KIF17: variants seen among roughly 807,000 people sequenced by gnomAD.
KIF17 encodes the protein kinesin-like protein KIF17.
Under a neutral mutation model 96.8 loss-of-function variants are expected in KIF17, and 80 were observed. The ratio of observed to expected loss-of-function variants is 0.83; its 90% CI spans 0.69 to 1.00. The LOEUF (loss-of-function observed/expected upper bound fraction) is 1.00. Ranked by LOEUF, KIF17 falls within the 50% of genes least tolerant of loss-of-function variation. The probability of loss-of-function intolerance (pLI) is 0.00; values close to 1 mark genes in which losing one functional copy is unlikely to be tolerated. For missense variants in KIF17, 1,280 were observed against 1,372.9 expected, an observed-to-expected ratio of 0.93 and a Z score of 1.07; for synonymous variants, 567 against 587.5, an observed-to-expected ratio of 0.97 and a Z score of 0.51.
intron 3 of KIF17, among the ~76,000 whole-genome samples, chr1:20,710,963 G>A (rs1216864467): frequency 1.3e-5 from 2 of 152,086 alleles, no homozygotes; most frequent in Non-Finnish European, 2.9e-5. Context: ...AGGAGCTGAA[G>A]CTTGAGATGA....
At chr1:20,697,061 G>A (rs1344507524) in intron 6 of KIF17, among the ~76,000 whole-genome samples, 3 of 152,212 alleles carry the variant, frequency 2.0e-5, no homozygotes, top group Non-Finnish European at 4.4e-5. Flanking sequence ...CAGCGCCCGA[G>A]GCTCTTGGAT....
Position 20,664,326 on chromosome 1 carries a change from G to A in KIF17, c.*258C>T. On this transcript the variant is annotated 3_prime_UTR_variant, in exon 15 of 15. Transcript: ENST00000400463. The stretch of plus-strand genomic sequence containing the variant: ...GTGTGGGCTCTGTGGCAGGTGAGCA[G>A]ACGGAAACACTGATGTGGTATGAAC... The A allele has an allele frequency of 7.2e-7, 1 of 1,392,294 alleles. No homozygotes were observed. The highest frequency in any genetic ancestry group is 9.3e-7 in the Non-Finnish European group (1 of 1,071,908). The allele number at this position is 1,392,294 out of a possible 1,614,324, so 86.2% of individuals were successfully genotyped here.
At chr1:20,702,570 C>T (rs891164579) in intron 5 of KIF17, among the ~76,000 whole-genome samples, 1 of 152,138 alleles carries the variant, frequency 6.6e-6, no homozygotes, top group Non-Finnish European at 1.5e-5. Context: ...GCCCTCTCCA[C>T]CCCAGTCCTG....
Position 20,690,352 on chromosome 1 carries a change from G to GCCGCC in KIF17, c.1234-18_1234-17insGGCGG. ...TTCATACTCCTGGGGGGGTGGGAGG[G>GCCGCC]ACCAGAGGGCAGGCAGCATTTTATC... On this transcript the variant is annotated splice_polypyrimidine_tract_variant and intron_variant, in intron 6 of 14. Coordinates refer to ENST00000400463, the MANE Select transcript of KIF17 (RefSeq NM_001122819.3). 1.3e-5 allele frequency: 6 copies of GCCGCC among 451,138 alleles called. No individual in the cohort carries two copies. The highest frequency in any genetic ancestry group is 1.7e-5 in the Non-Finnish European group (4 of 235,128). The allele number at this position is 451,138 out of a possible 1,614,324, so 27.9% of individuals were successfully genotyped here. A position where few individuals can be genotyped will look rare whatever the true frequency, so the allele number is the denominator to read the frequency against.
chr1:20,685,415 C>A lies in KIF17; in HGVS notation c.2020-395G>T. 2.5e-6 allele frequency: 1 copy of A among 394,292 alleles called. No homozygotes were observed. Among genetic ancestry groups the A allele is most frequent in the South Asian group, 2.0e-5 (1 of 49,496 alleles). The allele number at this position is 394,292 out of a possible 1,614,324, so 24.4% of individuals were successfully genotyped here. The stretch of plus-strand genomic sequence containing the variant: ...TCCACGGCCTCCCCCGCCACCGTGG[C>A]CTCCTTTTCCATTGCTAAGAAAGTC... On this transcript the variant is annotated intron_variant, in intron 9 of 14. Coordinates refer to ENST00000400463, the MANE Select transcript of KIF17 (RefSeq NM_001122819.3). The surrounding 1 kb of genome is among the most constrained non-coding windows in gnomAD (Gnocchi z 4.1).
At chr1:20,701,984 G>A (rs1308874304) in intron 5 of KIF17, among the ~76,000 whole-genome samples, 2 of 152,198 alleles carry the variant, frequency 1.3e-5, no homozygotes. Context: ...TCCAGGGAGG[G>A]GCAAACACAG....
In KIF17 at chr1:20,712,989, TA is replaced by T. The variant is rs1232314749; in HGVS notation, c.480+464del. On this transcript the variant is annotated intron_variant, in intron 3 of 14. Coordinates refer to ENST00000400463, the MANE Select transcript of KIF17 (RefSeq NM_001122819.3). ...ATATATTATCTATATATAGATACTA[TA>T]TATAATATAGATATATATATTTTGA... is the stretch of plus-strand genomic sequence containing the variant. Among the ~76,000 whole-genome samples, 28 of 139,804 alleles carry T rather than the reference TA, an allele frequency of 2.0e-4. No homozygotes were observed. The South Asian group carries it at 5.1e-3, about 26-fold the overall frequency. 91.7% of individuals were successfully genotyped at this position (139,804 alleles called of 152,430 possible). A position where few individuals can be genotyped will look rare whatever the true frequency, so the allele number is the denominator to read the frequency against.
chr1:20,702,259 A>G (rs998281946), intron 5 of KIF17, among the ~76,000 whole-genome samples: 1 of 152,162 alleles, frequency 6.6e-6, no homozygotes, highest in Non-Finnish European at 1.5e-5. Context: ...CTCAGTGCTC[A>G]GCTATCCACC....
downstream of KIF17, among the ~76,000 whole-genome samples, chr1:20,663,353 G>A (rs545783324): frequency 6.6e-6 from 1 of 152,324 alleles, no homozygotes; most frequent in East Asian, 1.9e-4. Flanking sequence ...TCTCAAGAGT[G>A]TGTGCTCCTT....
At chr1:20,714,786 G>T (rs2054547072) in intron 2 of KIF17, among the ~76,000 whole-genome samples, 1 of 113,830 alleles carries the variant, frequency 8.8e-6, no homozygotes, top group Non-Finnish European at 1.7e-5. Context: ...GACAGAGCAA[G>T]ACTCCGTCTC....
intron 2 of KIF17, among the ~76,000 whole-genome samples, chr1:20,715,196 A>G (rs2054555484): frequency 1.3e-5 from 2 of 152,236 alleles, no homozygotes; most frequent in African/African-American, 4.8e-5. Flanking sequence ...TTGCTCAATA[A>G]AGAGGGAAGC....
chr1:20,717,285 C>G (rs2054594430), intron 1 of KIF17, 191 bp downstream of exon 1: 3 of 623,174 alleles, frequency 4.8e-6, no homozygotes, highest in South Asian at 2.0e-5. Context: ...TAGTGCAGAC[C>G]CGGAGGCGAC....
chr1:20,706,495 G>A (rs2054342771), intron 4 of KIF17, among the ~76,000 whole-genome samples: 2 of 152,038 alleles, frequency 1.3e-5, no homozygotes, highest in South Asian at 4.1e-4. Context: ...GGAGGCTGAG[G>A]CACAAGAATT....
At chr1:20,683,289 C>A (rs2053865933) in intron 10 of KIF17, among the ~76,000 whole-genome samples, 1 of 152,216 alleles carries the variant, frequency 6.6e-6, no homozygotes, top group African/African-American at 2.4e-5. Flanking sequence ...CAGGCAGGGA[C>A]ATGCACAATA....
intron 13 of KIF17, 31 bp downstream of exon 13, chr1:20,670,390 G>A (rs57130430): frequency 6.2e-6 from 10 of 1,606,542 alleles, no homozygotes; most frequent in Admixed American, 1.7e-5. Context: ...CCCAGCCCCC[G>A]ACACCCCACT....
chr1:20,685,650 TA>T lies in KIF17; in HGVS notation c.2019+395del, dbSNP rs1292188366. ...AAACTGTCTTCTTCCTCTATAAATG[TA>T]GGGAGATTTAAAGCTTCCTCTCCTT... is the stretch of plus-strand genomic sequence containing the variant. On this transcript the variant is annotated intron_variant, in intron 9 of 14. Coordinates refer to ENST00000400463, the MANE Select transcript of KIF17 (RefSeq NM_001122819.3). The surrounding 1 kb of genome is among the most constrained non-coding windows in gnomAD (Gnocchi z 4.1). Among the ~76,000 whole-genome samples the T allele has an allele frequency of 2.6e-5, 4 of 152,182 alleles. No individual in the cohort carries two copies. Among genetic ancestry groups the T allele is most frequent in the Middle Eastern group, 6.8e-3 (2 of 294 alleles).
At chr1:20,681,345 C>T (rs1026734913) in intron 11 of KIF17, among the ~76,000 whole-genome samples, 3 of 151,500 alleles carry the variant, frequency 2.0e-5, no homozygotes, top group Admixed American at 6.6e-5. Context: ...TGCGCCACCA[C>T]GCCGGACTAA....
chr1:20,683,600 A>T (rs2053871904), intron 10 of KIF17, among the ~76,000 whole-genome samples: 1 of 152,110 alleles, frequency 6.6e-6, no homozygotes, highest in Admixed American at 6.6e-5. Flanking sequence ...GGTTGCAGTG[A>T]GCCGAGATCG....
chr1:20,710,097 G>A (rs1242924265), intron 3 of KIF17, among the ~76,000 whole-genome samples: 4 of 140,148 alleles, frequency 2.9e-5, no homozygotes, highest in African/African-American at 1.2e-4. Context: ...GCATGAGACA[G>A]CTATCTCATA....
Sources: allele counts gnomAD v4.1 joint callset (sites outside exome capture counted in the v4.1 genomes callset), GRCh38; gene constraint gnomAD v4.1.1; non-coding constraint Gnocchi (gnomAD v3.1); transcripts MANE v1.5; gene names NCBI Gene and HGNC (gene_info 2026-07-23, HGNC 2026-07-21).